ABAT: variants seen among roughly 807,000 people sequenced by gnomAD.
ABAT encodes the protein 4-aminobutyrate aminotransferase, mitochondrial.
A neutral mutation model predicts 64.6 loss-of-function variants in ABAT; 45 were observed. The observed-to-expected ratio is 0.70, with a 90% CI of 0.55 to 0.89. The LOEUF is 0.89. Ranked by LOEUF, ABAT falls within the 40% of genes least tolerant of loss-of-function variation. The pLI is 0.00. For missense variants in ABAT, 633 were observed against 658.4 expected (o/e 0.96, Z 0.42); for synonymous variants, 297 against 250.5 (o/e 1.19, Z -1.75).
At chr16:8,687,701 G>A (rs2141955000) in intron 1 of ABAT, among the ~76,000 whole-genome samples, 1 of 152,284 alleles carries the variant, frequency 6.6e-6, no homozygotes, top group East Asian at 1.9e-4. Flanking sequence ...TGAGGCCTGT[G>A]TCTTAGACCT....
intron 1 of ABAT, among the ~76,000 whole-genome samples, chr16:8,693,972 T>C (rs1013373302): frequency 6.6e-6 from 1 of 152,172 alleles, no homozygotes; most frequent in Admixed American, 6.5e-5. Flanking sequence ...ACAACCAAGA[T>C]ACTGACATTG....
chr16:8,779,656 T>C (rs1398572756), intron 15 of ABAT, 66 bp downstream of exon 15: 5 of 1,316,184 alleles, frequency 3.8e-6, no homozygotes, highest in Non-Finnish European at 5.4e-6. Context: ...AGCTGCCACA[T>C]GTTGCTAGGT....
chr16:8,697,338 T>C (rs1421712636), intron 1 of ABAT, among the ~76,000 whole-genome samples: 1 of 152,144 alleles, frequency 6.6e-6, no homozygotes, highest in East Asian at 1.9e-4. Flanking sequence ...GGGAGTGACA[T>C]GATGTGTTTC....
intron 5 of ABAT, among the ~76,000 whole-genome samples, chr16:8,751,849 A>G (rs1454545281): frequency 6.6e-6 from 1 of 152,202 alleles, no homozygotes; most frequent in Non-Finnish European, 1.5e-5. Flanking sequence ...CTCGCTGTAT[A>G]AAAGGGCACA....
Position 8,764,635 on chromosome 16 carries a change from C to G in ABAT, c.448-103C>G, listed in dbSNP as rs1454178637. ...CCTTCCAGGACAGCCCTGGTTCTGT[C>G]TGTCCCCGGTACGGCCCCTGCGAAG... On this transcript the variant is annotated intron_variant, in intron 7 of 15. Coordinates refer to ENST00000268251, the MANE Select transcript of ABAT (RefSeq NM_020686.6). The surrounding 1 kb of genome is among the most constrained non-coding windows in gnomAD (Gnocchi z 4.2). 2 of 1,122,882 alleles carry G rather than the reference C, an allele frequency of 1.8e-6. No homozygotes were observed. Among genetic ancestry groups the G allele is most frequent in the African/African-American group, 3.1e-5 (2 of 65,010 alleles). The allele number at this position is 1,122,882 out of a possible 1,614,324, so 69.6% of individuals were successfully genotyped here.
At chr16:8,685,335 A>C (rs1354510037) in intron 1 of ABAT, among the ~76,000 whole-genome samples, 1 of 151,834 alleles carries the variant, frequency 6.6e-6, no homozygotes, top group Non-Finnish European at 1.5e-5. Flanking sequence ...ATAATCCAAA[A>C]ATTTGTGTTG....
chr16:8,732,604 G>A (rs1485285035), intron 1 of ABAT, among the ~76,000 whole-genome samples: 1 of 151,606 alleles, frequency 6.6e-6, no homozygotes, highest in Non-Finnish European at 1.5e-5. Context: ...AAAATGAAAA[G>A]TCTCCCATGT....
chr16:8,737,176 T>G (rs2058967738), intron 2 of ABAT: 1 of 152,190 alleles, frequency 6.6e-6, no homozygotes, highest in South Asian at 2.1e-4. Flanking sequence ...TGAGTAGGCT[T>G]TATTTTAAAA....
At chr16:8,772,952 T>A (rs1312709506) in intron 12 of ABAT, 35 bp downstream of exon 12, 45 of 1,611,752 alleles carry the variant, frequency 2.8e-5, no homozygotes, top group Non-Finnish European at 3.7e-5. Context: ...ATGGAGCCAT[T>A]GGGTTTTCTG....
chr16:8,766,382 C>G (rs1020248595), intron 9 of ABAT, 112 bp downstream of exon 9: 35 of 1,051,918 alleles, frequency 3.3e-5, no homozygotes, highest in Admixed American at 4.0e-5. Context: ...AGGCCAGGCG[C>G]GGTGGCTCAT....
chr16:8,686,639 G>T (rs1567270346), intron 1 of ABAT, among the ~76,000 whole-genome samples: 1 of 152,114 alleles, frequency 6.6e-6, no homozygotes, highest in South Asian at 2.1e-4. Flanking sequence ...ACTCGCCCAG[G>T]GTCTCCTACT....
At chr16:8,770,769 A>G (rs2060083265) in intron 11 of ABAT, among the ~76,000 whole-genome samples, 1 of 152,174 alleles carries the variant, frequency 6.6e-6, no homozygotes, top group South Asian at 2.1e-4. Context: ...AATTACAAAG[A>G]AATAGGTGAA....
intron 1 of ABAT, among the ~76,000 whole-genome samples, chr16:8,733,710 A>T (rs1196386219): frequency 6.6e-6 from 1 of 151,852 alleles, no homozygotes; most frequent in Non-Finnish European, 1.5e-5. Context: ...AATCGCAGGC[A>T]CTCGGCAGGC....
intron 5 of ABAT, among the ~76,000 whole-genome samples, chr16:8,752,053 A>C (rs2059502939): frequency 6.6e-6 from 1 of 152,138 alleles, no homozygotes; most frequent in South Asian, 2.1e-4. Context: ...TCCGCTCCCC[A>C]TCAGCACCTC....
At chr16:8,767,082 A>G (rs965796229) in intron 9 of ABAT, among the ~76,000 whole-genome samples, 1 of 152,226 alleles carries the variant, frequency 6.6e-6, no homozygotes, top group Non-Finnish European at 1.5e-5. Flanking sequence ...GCCTGAGACA[A>G]TGCCAACCTC....
intron 6 of ABAT, 95 bp downstream of exon 6, chr16:8,757,901 T>A: frequency 3.7e-6 from 5 of 1,344,660 alleles, no homozygotes; most frequent in Non-Finnish European, 5.3e-6. Flanking sequence ...TTTCATTCAT[T>A]CATTCATTCC....
intron 3 of ABAT, among the ~76,000 whole-genome samples, 165 bp downstream of exon 3, chr16:8,746,263 C>G (rs1046688714): frequency 1.3e-5 from 2 of 152,038 alleles, no homozygotes; most frequent in East Asian, 3.9e-4. Context: ...CCATACAAAG[C>G]CAAAGAAGGG....
intron 1 of ABAT, among the ~76,000 whole-genome samples, chr16:8,692,657 T>TG (rs568796998): frequency 5.3e-4 from 80 of 152,352 alleles, no homozygotes; most frequent in African/African-American, 1.8e-3. Context: ...CCTTTGCTGC[T>TG]GAACATGGTA....
At position 8,750,516 on chromosome 16, in the gene ABAT, C is replaced by T. The variant is rs2059448542; in HGVS notation, c.293C>T (p.Ser98Phe). Residue 98 changes from serine (S) to phenylalanine (F), a missense_variant, in exon 5 of 16, where the codon TCC becomes TTC. Physicochemically the swap from Ser to Phe is radical, Grantham distance 155. Transcript: ENST00000268251. ...GGCAACCGAATGCTGGATCTTTATT[C>T]CCAGATCTCCTCTGTCCCCATAGGT... ...VDGNRMLDLY[S>F]QISSVPIGYS... 3 of 1,613,982 alleles carry T rather than the reference C, an allele frequency of 1.9e-6. No homozygotes were observed. Among genetic ancestry groups the T allele is most frequent in the Non-Finnish European group, 2.5e-6 (3 of 1,179,904 alleles).
Sources: allele counts gnomAD v4.1 joint callset (sites outside exome capture counted in the v4.1 genomes callset), GRCh38; gene constraint gnomAD v4.1.1; non-coding constraint Gnocchi (gnomAD v3.1); transcripts MANE v1.5; gene names NCBI Gene and HGNC (gene_info 2026-07-23, HGNC 2026-07-21).